INPP5F: variants seen among roughly 807,000 people sequenced by gnomAD.
INPP5F encodes the protein phosphatidylinositide 4-phosphatase SAC2.
Under a neutral mutation model 137.2 loss-of-function variants are expected in INPP5F, and 97 were observed. That is an observed-to-expected ratio of 0.71 (90% CI 0.60 to 0.84). INPP5F has a LOEUF of 0.84. INPP5F is among the 40% of genes least tolerant of loss of function. The pLI, the probability that INPP5F is intolerant of heterozygous loss-of-function variation, is 0.00. For missense variants in INPP5F, 1,271 were observed against 1,371.9 expected, an observed-to-expected ratio of 0.93 and a Z score of 1.16; for synonymous variants, 504 against 476.9, an observed-to-expected ratio of 1.06 and a Z score of -0.74.
intron 3 of INPP5F, among the ~76,000 whole-genome samples, chr10:119,786,553 T>C (rs909195903): frequency 6.6e-6 from 1 of 152,230 alleles, no homozygotes; most frequent in Non-Finnish European, 1.5e-5. Flanking sequence ...TTTATAGTAA[T>C]CTCATTTATT....
chr10:119,751,275 T>C, intron 2 of INPP5F, 119 bp downstream of exon 2: 1 of 720,092 alleles, frequency 1.4e-6, no homozygotes, highest in Non-Finnish European at 2.5e-6. Context: ...TAATTTTGGG[T>C]CTGCTCAAAG....
In INPP5F at chr10:119,810,135, A is replaced by G. The variant is rs992335303; in HGVS notation, c.1605A>G (p.Ala535=). The G allele has an allele frequency of 1.2e-6, 2 of 1,613,254 alleles. No homozygotes were observed. The highest frequency in any genetic ancestry group is 1.7e-6 in the Non-Finnish European group (2 of 1,179,332). ...CAAGGACAGGAGAAAGGAAGTTAGCAGGAGTTATGAAAGATGGAGTGAACT... is the reference window on the plus strand; with the variant it reads ...CAAGGACAGGAGAAAGGAAGTTAGCGGGAGTTATGAAAGATGGAGTGAACT... ...DFTRTGERKL[A]GVMKDGVNSA... is the part of the protein sequence containing the mutation. The change falls in exon 14 of 20, where the codon GCA becomes GCG. Residue 535 remains alanine (A), a synonymous_variant. Transcript: ENST00000650623.
intron 2 of INPP5F, among the ~76,000 whole-genome samples, chr10:119,772,430 G>A (rs111734542): frequency 1.1e-3 from 164 of 151,924 alleles, no homozygotes; most frequent in African/African-American, 3.6e-3. Context: ...TTTCTATTTC[G>A]TAAATACTAA....
chr10:119,756,555 G>C (rs997963248), intron 2 of INPP5F, among the ~76,000 whole-genome samples: 1 of 151,818 alleles, frequency 6.6e-6, no homozygotes, highest in Non-Finnish European at 1.5e-5. Context: ...ATAATCGCTT[G>C]AACCCAGGAG....
At chr10:119,761,604 G>T (rs1849012388) in intron 2 of INPP5F, among the ~76,000 whole-genome samples, 1 of 148,750 alleles carries the variant, frequency 6.7e-6, no homozygotes, top group Non-Finnish European at 1.5e-5. Context: ...TTTAAGACAT[G>T]GCTTTAAATG....
At position 119,811,799 on chromosome 10, in the gene INPP5F, T is replaced by C; in HGVS notation, c.1730T>C (p.Ile577Thr). The change falls in exon 15 of 20, where the codon ATA becomes ACA. Residue 577 changes from isoleucine (I) to threonine (T), a missense_variant. Ile to Thr is a moderately conservative substitution (Grantham distance 89). Transcript: ENST00000650623. The stretch of plus-strand genomic sequence containing the variant: ...CCAGTGACAGAAGATCTTTATTCCA[T>C]ATTTACCAAGGAGAAAGAACATGAA... The part of the protein sequence containing the change: ...GIPVTEDLYS[I>T]FTKEKEHEAL... 1 of 1,614,200 alleles carries C rather than the reference T, an allele frequency of 6.2e-7. No homozygotes were observed. The highest frequency in any genetic ancestry group is 8.5e-7 in the Non-Finnish European group (1 of 1,179,976).
In INPP5F at chr10:119,787,753, CT is replaced by C. The variant is rs1343851623; in HGVS notation, c.316-3763del. The stretch of plus-strand genomic sequence containing the variant: ...ACTGAAGCCAGAGGCCTTTCTGGGT[CT>C]GCATCTAGAAGCAGACAGTAGCAGG... On this transcript the variant is annotated intron_variant, in intron 3 of 19. Coordinates refer to ENST00000650623, the MANE Select transcript of INPP5F (RefSeq NM_014937.4). The surrounding 1 kb of genome is among the most constrained non-coding windows in gnomAD (Gnocchi z 4.1). 6.6e-6 allele frequency among the ~76,000 whole-genome samples: 1 copy of C among 152,076 alleles called. No homozygotes were observed. The highest frequency in any genetic ancestry group is 6.6e-5 in the Admixed American group (1 of 15,256).
rs752137768 is a variant in INPP5F at position 119,827,564 on chromosome 10, G to C, written c.3183G>C (p.Glu1061Asp). 1 of 1,614,146 alleles carries C rather than the reference G, an allele frequency of 6.2e-7. No homozygotes were observed. The highest frequency in any genetic ancestry group is 1.1e-5 in the South Asian group (1 of 91,084). Residue 1061 changes from glutamate (E) to aspartate (D), a missense_variant, in exon 20 of 20, where the codon GAG becomes GAC. Transcript: ENST00000650623. ...TGLHVTPSPSESSSSRAVSPF... is the reference protein window; with the variant it reads ...TGLHVTPSPSDSSSSRAVSPF... ...TTCATGTAACTCCTTCTCCTTCAGA[G>C]AGCAGTAGCAGCAGAGCAGTCTCTC... is the stretch of plus-strand genomic sequence containing the variant.
At chr10:119,737,100 A>G (rs1039439639) in intron 1 of INPP5F, among the ~76,000 whole-genome samples, 1 of 152,080 alleles carries the variant, frequency 6.6e-6, no homozygotes, top group East Asian at 1.9e-4. Flanking sequence ...AAGTGCTGGG[A>G]TTACAGACAT....
At chr10:119,824,704 A>G (rs1335802548) in intron 19 of INPP5F, among the ~76,000 whole-genome samples, 2 of 152,012 alleles carry the variant, frequency 1.3e-5, no homozygotes, top group South Asian at 4.1e-4. Flanking sequence ...AAGACTATTC[A>G]TTTTCATAAC....
chr10:119,732,782 G>A (rs1236343480), intron 1 of INPP5F, among the ~76,000 whole-genome samples: 3 of 152,292 alleles, frequency 2.0e-5, no homozygotes, highest in South Asian at 2.1e-4. Flanking sequence ...CATTACAGGC[G>A]TGAGCCACCG....
At chr10:119,818,293 G>C (rs1851372831) in intron 15 of INPP5F, among the ~76,000 whole-genome samples, 1 of 152,214 alleles carries the variant, frequency 6.6e-6, no homozygotes, top group South Asian at 2.1e-4. Context: ...GGCCCGCCTC[G>C]CCTCTCCGCT....
At chr10:119,778,168 G>A (rs1001979004) in intron 2 of INPP5F, among the ~76,000 whole-genome samples, 6 of 151,772 alleles carry the variant, frequency 4.0e-5, no homozygotes, top group Non-Finnish European at 7.4e-5. Flanking sequence ...CACCATGCCC[G>A]GCTAATTTTT....
chr10:119,751,915 G>C (rs986264621), intron 2 of INPP5F, among the ~76,000 whole-genome samples: 1 of 152,130 alleles, frequency 6.6e-6, no homozygotes, highest in Non-Finnish European at 1.5e-5. Flanking sequence ...ACAGGCATGA[G>C]CCACCATGCC....
At position 119,820,851 on chromosome 10, in the gene INPP5F, T is replaced by C. The variant is rs143847485; in HGVS notation, c.1892T>C (p.Ile631Thr). Residue 631 changes from isoleucine (I) to threonine (T), a missense_variant, in exon 16 of 20, where the codon ATT (isoleucine) becomes ACT (threonine). Around this residue, in one of 6 missense-constraint regions of INPP5F, gnomAD observed 593 missense variants for 712.4 expected, o/e 0.83. Transcript: ENST00000650623. The stretch of plus-strand genomic sequence containing the variant: ...CCTGTGTCATATTTGTTTAGCCTCA[T>C]TGATGCTACTCACAGAGACGTGGAT... ...WALIDCDPSL[I>T]DATHRDVDVL... The C allele has an allele frequency of 2.2e-4, 348 of 1,607,784 alleles. No homozygotes were observed. Among genetic ancestry groups the C allele is most frequent in the Non-Finnish European group, 2.8e-4 (328 of 1,174,340 alleles).
At chr10:119,809,409 T>C (rs1412763944) in intron 13 of INPP5F, among the ~76,000 whole-genome samples, 1 of 152,162 alleles carries the variant, frequency 6.6e-6, no homozygotes, top group East Asian at 1.9e-4. Flanking sequence ...TCTTCCTAAA[T>C]TGTCGGTTTT....
intron 3 of INPP5F, among the ~76,000 whole-genome samples, chr10:119,783,377 C>T (rs1426578895): frequency 6.6e-6 from 1 of 152,204 alleles, no homozygotes; most frequent in Non-Finnish European, 1.5e-5. Context: ...ACTGGGGTCT[C>T]TGGCAGTTTG....
At chr10:119,738,354 A>G (rs1007582577) in intron 1 of INPP5F, among the ~76,000 whole-genome samples, 1 of 152,202 alleles carries the variant, frequency 6.6e-6, no homozygotes, top group African/African-American at 2.4e-5. Flanking sequence ...TTTGTATGCC[A>G]CATTAGAGTA....
chr10:119,789,377 A>C (rs754422831), intron 3 of INPP5F, among the ~76,000 whole-genome samples: 12 of 152,202 alleles, frequency 7.9e-5, no homozygotes, highest in Non-Finnish European at 1.5e-4. Flanking sequence ...TTATATAAAA[A>C]TTGCTAGCCA....
Sources: gnomAD v4.1 joint callset for allele counts (sites outside exome capture counted in the v4.1 genomes callset) on GRCh38, gnomAD v4.1.1 for gene constraint, gnomAD v4.1.1 regional missense constraint, Gnocchi (gnomAD v3.1) non-coding constraint, MANE v1.5 for transcripts, NCBI Gene and HGNC (gene_info 2026-07-23, HGNC 2026-07-21) for gene names.